CSMD1: variants seen among roughly 807,000 people sequenced by gnomAD.
CSMD1 encodes CUB and sushi domain-containing protein 1.
Under a neutral mutation model 417.5 loss-of-function variants are expected in CSMD1, and 213 were observed. The observed-to-expected ratio is 0.51, with a 90% CI of 0.46 to 0.57. The LOEUF (loss-of-function observed/expected upper bound fraction) is 0.57, where lower values mean the gene tolerates loss of function less well. Among genes scored for constraint, CSMD1 ranks in the 20% least tolerant of loss-of-function variants. The probability of loss-of-function intolerance (pLI) is 0.00; values close to 1 mark genes in which losing one functional copy is unlikely to be tolerated. For synonymous variants in CSMD1, 2,862 were observed against 1,736.8 expected (o/e 1.65, Z -16.11); for missense variants, 6,923 against 4,529.7 (o/e 1.53, Z -15.17).
chr8:3,429,293 C>G (rs1355707028), intron 12 of CSMD1, among the ~76,000 whole-genome samples: 2 of 152,074 alleles, frequency 1.3e-5, no homozygotes, highest in African/African-American at 4.8e-5. Flanking sequence ...CATAAATAAA[C>G]AGAAATGATA....
chr8:4,057,253 T>C (rs1284204152), intron 3 of CSMD1, among the ~76,000 whole-genome samples: 1 of 152,204 alleles, frequency 6.6e-6, no homozygotes, highest in East Asian at 1.9e-4. Flanking sequence ...TATCTCATTG[T>C]GGTTTTGATT....
chr8:4,006,502 C>G (rs1343599517), intron 4 of CSMD1, among the ~76,000 whole-genome samples: 3 of 152,150 alleles, frequency 2.0e-5, no homozygotes, highest in Non-Finnish European at 2.9e-5. Context: ...CAAGATCACC[C>G]CACTGCACTT....
chr8:3,739,616 G>C (rs1402751722), intron 6 of CSMD1, among the ~76,000 whole-genome samples: 1 of 152,092 alleles, frequency 6.6e-6, no homozygotes, highest in Non-Finnish European at 1.5e-5. Context: ...TCTCTCAAAA[G>C]GCCTTTCTGT....
At chr8:3,609,340 C>A in intron 8 of CSMD1, among the ~76,000 whole-genome samples, 1 of 152,198 alleles carries the variant, frequency 6.6e-6, no homozygotes, top group Non-Finnish European at 1.5e-5. Flanking sequence ...ATCAATCTTA[C>A]TGATAAATAT....
chr8:4,901,195 C>T (rs1585292362), intron 1 of CSMD1, among the ~76,000 whole-genome samples: 1 of 152,154 alleles, frequency 6.6e-6, no homozygotes, highest in South Asian at 2.1e-4. Context: ...TATAGATCAA[C>T]CTCTTTTATT....
rs193003381 is a variant in CSMD1, at chr8:4,081,302, C to G, written c.416-49203G>C. ...ATTCTCGTCTCCTAGCAGGTAAGCT[C>G]TATGGTCCCCTCCCACGTTGAATAG... is the stretch of plus-strand genomic sequence containing the variant. On this transcript the variant is annotated intron_variant, in intron 3 of 69. Coordinates refer to ENST00000635120, the MANE Select transcript of CSMD1 (RefSeq NM_033225.6). Among the ~76,000 whole-genome samples, 734 of 152,304 alleles carry G rather than the reference C, an allele frequency of 4.8e-3. 7 individuals carry two copies. Among genetic ancestry groups the G allele is most frequent in the South Asian group, 0.016 (78 of 4,826 alleles).
At chr8:3,151,585 C>T in intron 39 of CSMD1, 72 bp from the exon 40 acceptor site, 1 of 916,356 alleles carries the variant, frequency 1.1e-6, no homozygotes. Flanking sequence ...CAACCTGCTT[C>T]ACTCAACTAT....
intron 6 of CSMD1, among the ~76,000 whole-genome samples, chr8:3,713,067 G>A (rs1329700285): frequency 6.6e-6 from 1 of 151,996 alleles, no homozygotes; most frequent in Non-Finnish European, 1.5e-5. Flanking sequence ...ACAAAAACTT[G>A]AAATAAATAT....
chr8:4,831,363 T>C (rs578102507), intron 1 of CSMD1, among the ~76,000 whole-genome samples: 3 of 152,196 alleles, frequency 2.0e-5, no homozygotes, highest in Non-Finnish European at 4.4e-5. Flanking sequence ...AACATCCTTA[T>C]TCTTATGAAT....
intron 1 of CSMD1, among the ~76,000 whole-genome samples, chr8:4,916,706 G>A (rs1023455983): frequency 6.6e-6 from 1 of 152,140 alleles, no homozygotes; most frequent in African/African-American, 2.4e-5. Context: ...TGAATTGTAA[G>A]GCACCATAAC....
intron 25 of CSMD1, among the ~76,000 whole-genome samples, chr8:3,302,859 C>G (rs187594882): frequency 1.2e-3 from 181 of 152,256 alleles, no homozygotes; most frequent in African/African-American, 3.9e-3. Flanking sequence ...TCTGTGGCAA[C>G]TGAAAATATG....
At chr8:3,060,125 G>A (rs758565394) in intron 49 of CSMD1, among the ~76,000 whole-genome samples, 1 of 151,488 alleles carries the variant, frequency 6.6e-6, no homozygotes, top group South Asian at 2.1e-4. Context: ...ACTATACATT[G>A]AGCCTGTCCT....
At chr8:3,863,385 A>C (rs1057111118) in intron 5 of CSMD1, among the ~76,000 whole-genome samples, 13 of 142,170 alleles carry the variant, frequency 9.1e-5, no homozygotes, top group African/African-American at 3.6e-4. Flanking sequence ...TACAGCAATG[A>C]TACTCTGCTC....
At chr8:3,945,736 GA>G (rs1811180763) in intron 5 of CSMD1, among the ~76,000 whole-genome samples, 1 of 152,022 alleles carries the variant, frequency 6.6e-6, no homozygotes. Context: ...GTTACTAGGG[GA>G]TAGAAAACCA....
intron 64 of CSMD1, 120 bp downstream of exon 64, chr8:2,955,469 G>T (rs186689388): frequency 8.1e-6 from 7 of 858,906 alleles, no homozygotes; most frequent in Admixed American, 7.9e-5. Flanking sequence ...GAGGCAGGTG[G>T]CGATGCTGCA....
chr8:3,359,596 G>C (rs569899005), intron 20 of CSMD1, among the ~76,000 whole-genome samples: 1 of 151,564 alleles, frequency 6.6e-6, no homozygotes, highest in Non-Finnish European at 1.5e-5. Context: ...AGGCTGGGAA[G>C]GGGGTGTATG....
At chr8:3,265,905 C>A (rs1365077078) in intron 26 of CSMD1, among the ~76,000 whole-genome samples, 1 of 151,772 alleles carries the variant, frequency 6.6e-6, no homozygotes, top group Non-Finnish European at 1.5e-5. Context: ...TCCTTGGAGG[C>A]CACAAGCAGG....
intron 5 of CSMD1, among the ~76,000 whole-genome samples, chr8:3,903,386 T>G (rs1183899681): frequency 6.6e-6 from 1 of 152,130 alleles, no homozygotes; most frequent in Non-Finnish European, 1.5e-5. Context: ...CACTATGTCA[T>G]TATCATAAGC....
At position 4,149,184 on chromosome 8, in the gene CSMD1, G is replaced by T. The variant is rs554899719; in HGVS notation, c.416-117085C>A. Among the ~76,000 whole-genome samples the T allele has an allele frequency of 1.2e-4, 18 of 152,034 alleles. 1 individual carries two copies. The East Asian group carries it at 3.3e-3, about 28-fold the overall frequency. On this transcript the variant is annotated intron_variant, in intron 3 of 69. Transcript: ENST00000635120. Reference sequence around the variant, plus strand: ...TTCCCATGTTGGCTAGGCTGGTCTCGAACTCCTGACCTCAGGTGATCCGTC... The same window carrying T: ...TTCCCATGTTGGCTAGGCTGGTCTCTAACTCCTGACCTCAGGTGATCCGTC...
Sources: gnomAD v4.1 joint callset for allele counts (sites outside exome capture counted in the v4.1 genomes callset) on GRCh38, gnomAD v4.1.1 for gene constraint, MANE v1.5 for transcripts, NCBI Gene and HGNC (gene_info 2026-07-23, HGNC 2026-07-21) for gene names.